MYH16: variants seen among roughly 807,000 people sequenced by gnomAD.
MYH16 encodes myosin heavy chain 16, also known as putative uncharacterized protein MYH16.
intron 6 of MYH16, chr7:99,251,245 G>A (rs796607461): frequency 2.3e-5 from 4 of 172,042 alleles, no homozygotes; most frequent in South Asian, 1.4e-4. Flanking sequence ...TCACGACCCC[G>A]CCCCAGGTAA....
At chr7:99,279,050 G>A (rs115641224) in intron 21 of MYH16, among the ~76,000 whole-genome samples, 1,623 of 152,008 alleles carry the variant, frequency 0.011, 27 homozygotes, top group African/African-American at 0.036. Context: ...AAAATTAGCC[G>A]GGTGTGGTGG....
intron 23 of MYH16, among the ~76,000 whole-genome samples, chr7:99,282,821 T>G (rs1391288278): frequency 7.8e-6 from 1 of 128,814 alleles, no homozygotes. Flanking sequence ...CAGAGGAAGA[T>G]CCTATCTCAA....
intron 25 of MYH16, 113 bp from the exon 8 acceptor site, chr7:99,284,732 C>T (rs901376406): frequency 2.4e-6 from 1 of 417,956 alleles, no homozygotes; most frequent in Non-Finnish European, 4.8e-6. Flanking sequence ...CTGGGAGGTA[C>T]GTGCTTTTCG....
At chr7:99,284,917 G>C (rs888487413) in exon 26 of MYH16, 1 of 456,704 alleles carries the variant, frequency 2.2e-6, no homozygotes, top group Non-Finnish European at 4.4e-6. Flanking sequence ...CGCTGCAGCG[G>C]AAACTGAAGG....
At chr7:99,277,878 C>CGTGTGTGTGTGT (rs61634087) in intron 21 of MYH16, among the ~76,000 whole-genome samples, 166 bp downstream of exon 3, 38 of 121,766 alleles carry the variant, frequency 3.1e-4, no homozygotes, top group African/African-American at 1.3e-3. Flanking sequence ...CCATCCAATT[C>CGTGTGTGTGTGT]GTGTGTGTGT....
intron 13 of MYH16, among the ~76,000 whole-genome samples, chr7:99,262,529 C>T (rs1290595147): frequency 6.6e-6 from 1 of 152,228 alleles, no homozygotes; most frequent in Non-Finnish European, 1.5e-5. Flanking sequence ...TCAAGTGGCA[C>T]CTGTGCATTT....
chr7:99,260,028 A>T, intron 11 of MYH16: 1 of 611,750 alleles, frequency 1.6e-6, no homozygotes, highest in Non-Finnish European at 2.8e-6. Context: ...GGCCAGTGTT[A>T]GGCACTTAGG....
rs1791704541 is a variant in MYH16 at position 99,244,392 on chromosome 7, G to A, written n.354+971G>A. 2.0e-5 allele frequency among the ~76,000 whole-genome samples: 3 copies of A among 152,352 alleles called. 1 individual carries two copies. In the Middle Eastern group the frequency reaches 0.01, roughly 518 times the overall value. ...CTTTGAAATCTTAAGACAGAAAGATGATTTCCTGAAGGTGTTGCAGCTTAA... is the reference window on the plus strand; with the variant it reads ...CTTTGAAATCTTAAGACAGAAAGATAATTTCCTGAAGGTGTTGCAGCTTAA... On this transcript the variant is annotated intron_variant and non_coding_transcript_variant, in intron 2 of 41. Coordinates refer to ENST00000439784, the Ensembl canonical transcript of MYH16.
At chr7:99,296,821 C>T (rs180947584) in exon 34 of MYH16, 14 of 456,780 alleles carry the variant, frequency 3.1e-5, no homozygotes, top group East Asian at 7.0e-5. Flanking sequence ...GAAGGAGTGC[C>T]GCATGTACAT....
intron 30 of MYH16, chr7:99,291,069 A>G (rs1310381266): frequency 4.7e-6 from 1 of 211,640 alleles, no homozygotes; most frequent in Non-Finnish European, 9.6e-6. Context: ...TGTAGGAGAT[A>G]GGGGTTTCAT....
At chr7:99,283,004 G>A (rs1054074667) in intron 23 of MYH16, among the ~76,000 whole-genome samples, 1 of 152,190 alleles carries the variant, frequency 6.6e-6, no homozygotes, top group Non-Finnish European at 1.5e-5. Flanking sequence ...ATTGTCCAGA[G>A]CAAAATGGGA....
chr7:99,242,461 C>T (rs1365763041), intron 1 of MYH16, among the ~76,000 whole-genome samples: 3 of 151,732 alleles, frequency 2.0e-5, no homozygotes, highest in Non-Finnish European at 4.4e-5. Context: ...CATAGCAAGA[C>T]CTTGTCTCTA....
At chr7:99,266,087 C>T (rs1791984337) in intron 17 of MYH16, among the ~76,000 whole-genome samples, 1 of 152,138 alleles carries the variant, frequency 6.6e-6, no homozygotes, top group Non-Finnish European at 1.5e-5. Context: ...GCTCAGACAG[C>T]AGTGTGTTGG....
chr7:99,239,438 A>C (rs1353278328), intron 1 of MYH16, among the ~76,000 whole-genome samples: 1 of 152,212 alleles, frequency 6.6e-6, no homozygotes, highest in African/African-American at 2.4e-5. Context: ...CATGAGGGCC[A>C]TGAGAGAGGG....
At chr7:99,298,051 C>T (rs1157655125) in intron 36 of MYH16, 56 bp downstream of exon 17, 3 of 451,948 alleles carry the variant, frequency 6.6e-6, no homozygotes, top group African/African-American at 4.0e-5. Context: ...GGAGCAGAGT[C>T]CAGAAACCCC....
At chr7:99,255,642 C>G (rs184405782) in exon 9 of MYH16, 1 of 153,148 alleles carries the variant, frequency 6.5e-6, no homozygotes, top group African/African-American at 2.4e-5. Context: ...GGCGTCACCA[C>G]TGTGGACAAC....
At chr7:99,287,216 G>T (rs1223436117) in intron 28 of MYH16, among the ~76,000 whole-genome samples, 1 of 152,010 alleles carries the variant, frequency 6.6e-6, no homozygotes, top group Non-Finnish European at 1.5e-5. Context: ...GGAGTGATAA[G>T]GGCAGTAGTA....
At chr7:99,264,414 T>C (rs1036834889) in intron 15 of MYH16, 7 of 152,602 alleles carry the variant, frequency 4.6e-5, no homozygotes, top group Admixed American at 4.6e-4. Context: ...GATCGCCTCT[T>C]TACCTGGAGG....
intron 19 of MYH16, among the ~76,000 whole-genome samples, 84 bp from the exon 1 acceptor site, chr7:99,272,755 A>G (rs1193577026): frequency 6.6e-6 from 1 of 152,152 alleles, no homozygotes; most frequent in African/African-American, 2.4e-5. Context: ...TCAAAAAAAA[A>G]AAAGGTAGGT....
Sources: allele counts gnomAD v4.1 joint callset (sites outside exome capture counted in the v4.1 genomes callset), GRCh38; gene constraint gnomAD v4.1.1; transcripts MANE v1.5; gene names NCBI Gene and HGNC (gene_info 2026-07-23, HGNC 2026-07-21).